The following OTOG variants were observed in gnomAD, a reference collection of about 807,000 sequenced individuals.
The protein encoded by OTOG is otogelin.
A neutral mutation model predicts 313.8 loss-of-function variants in OTOG; 296 were observed. That is an observed-to-expected ratio of 0.94 (90% CI 0.86 to 1.04). OTOG has a LOEUF of 1.04. Ranked by LOEUF, OTOG falls within the 50% of genes least tolerant of loss-of-function variation. OTOG has a pLI of 0.00. For synonymous variants in OTOG, 1,533 were observed against 1,554.9 expected (o/e 0.99, Z 0.33); for missense variants, 3,948 against 3,840.1 (o/e 1.03, Z -0.74).
In OTOG at chr11:17,631,882, G is replaced by A. The variant is rs142799217; in HGVS notation, c.6893G>A (p.Arg2298His). The stretch of plus-strand genomic sequence containing the variant: ...ACAACTGACTGCTCGCCCTGCCTTC[G>A]CATGGTGTCCAACCGCACCTTCAGT... ...CATTDCSPCL[R>H]MVSNRTFSAC... is the part of the protein sequence containing the mutation. Residue 2298 changes from arginine to histidine, a missense_variant, in exon 41 of 56, where the codon CGC becomes CAC. By Grantham distance (29) the Arg-to-His change is conservative. Coordinates refer to ENST00000399397, the MANE Select transcript of OTOG (RefSeq NM_001292063.2). 3.7e-4 allele frequency: 574 copies of A among 1,550,382 alleles called. 2 individuals are homozygous for A. In the African/African-American group the frequency reaches 6.8e-3, roughly 18 times the overall value.
intron 15 of OTOG, among the ~76,000 whole-genome samples, chr11:17,566,772 T>C (rs1212168515): frequency 1.3e-5 from 2 of 152,260 alleles, no homozygotes; most frequent in Non-Finnish European, 2.9e-5. Context: ...CTTTTGCCTT[T>C]AGTCTTATAA....
At chr11:17,631,360 C>T (rs2133702818) in intron 40 of OTOG, among the ~76,000 whole-genome samples, 1 of 136,206 alleles carries the variant, frequency 7.3e-6, no homozygotes, top group African/African-American at 3.2e-5. Context: ...CTCTCCTTCT[C>T]TCTCTCTCTC....
At chr11:17,596,186 G>T (rs1017313375) in intron 29 of OTOG, 32 bp downstream of exon 29, 1 of 1,462,768 alleles carries the variant, frequency 6.8e-7, no homozygotes. Flanking sequence ...CTCCTCCCGA[G>T]TGCCCCCTCC....
intron 31 of OTOG, among the ~76,000 whole-genome samples, chr11:17,600,122 A>G (rs16934477): frequency 0.082 from 12,514 of 152,324 alleles, 811 homozygotes; most frequent in African/African-American, 0.18. Context: ...GGAACAAAAC[A>G]TGTGGCCTGC....
chr11:17,596,566 G>A (rs1853114235), intron 29 of OTOG, among the ~76,000 whole-genome samples: 1 of 152,194 alleles, frequency 6.6e-6, no homozygotes, highest in African/African-American at 2.4e-5. Context: ...GCTGTCTCTG[G>A]CCCTGGCTAG....
intron 6 of OTOG, 38 bp downstream of exon 6, chr11:17,553,557 C>T (rs1565088487): frequency 2.1e-6 from 3 of 1,403,452 alleles, no homozygotes; most frequent in Non-Finnish European, 2.8e-6. Context: ...AGGAATGCTT[C>T]TCTAGGCCCT....
chr11:17,590,694 T>C (rs542937356), intron 24 of OTOG, among the ~76,000 whole-genome samples: 1 of 152,222 alleles, frequency 6.6e-6, no homozygotes, highest in Non-Finnish European at 1.5e-5. Context: ...TGGACCCATG[T>C]CACCTGACCG....
chr11:17,562,600 A>G (rs1403922751), intron 15 of OTOG, among the ~76,000 whole-genome samples: 1 of 152,240 alleles, frequency 6.6e-6, no homozygotes, highest in Non-Finnish European at 1.5e-5. Context: ...ATTTACTGAA[A>G]TAAGCTCAAA....
In OTOG at chr11:17,593,619, A is replaced by T; in HGVS notation, c.3151A>T (p.Ser1051Cys). 6.5e-7 allele frequency: 1 copy of T among 1,548,820 alleles called. No homozygotes were observed. The highest frequency in any genetic ancestry group is 8.7e-7 in the Non-Finnish European group (1 of 1,146,956). ...ATCTCTGTCCCTCTAGAGTCCAGAG[A>T]GCTTCCTGGATGACAAGCAGGAGGT... Reference protein sequence around the residue: ...DDDSGNPSPESFLDDKQEVHT... With the variant: ...DDDSGNPSPECFLDDKQEVHT... The change falls in exon 27 of 56, where the codon AGC becomes TGC. Residue 1051 changes from serine (S) to cysteine (C), a missense_variant. Coordinates refer to ENST00000399397, the MANE Select transcript of OTOG (RefSeq NM_001292063.2).
intron 24 of OTOG, among the ~76,000 whole-genome samples, chr11:17,588,149 A>T (rs1259383321): frequency 6.6e-6 from 1 of 152,204 alleles, no homozygotes; most frequent in Non-Finnish European, 1.5e-5. Context: ...CATAGGGTGG[A>T]TGTCCTCTCT....
intron 32 of OTOG, 150 bp downstream of exon 32, chr11:17,602,527 G>T: frequency 1.0e-6 from 1 of 977,460 alleles, no homozygotes; most frequent in East Asian, 2.6e-5. Flanking sequence ...GGTGCTTCTG[G>T]GTCAGCTTCT....
At chr11:17,635,379 T>C (rs2133710325) in intron 46 of OTOG, among the ~76,000 whole-genome samples, 192 bp downstream of exon 46, 1 of 152,240 alleles carries the variant, frequency 6.6e-6, no homozygotes, top group East Asian at 1.9e-4. Context: ...TCCCCCTAGA[T>C]TACTAAGCAC....
In OTOG at chr11:17,634,237, T is replaced by A; in HGVS notation, c.7436T>A (p.Leu2479Ter). ...TGCCTGCGATTCGGGGAGGTGGCCTTGCTCCTACCCACCAAGGACCCCTGC... is the reference window on the plus strand; with the variant it reads ...TGCCTGCGATTCGGGGAGGTGGCCTAGCTCCTACCCACCAAGGACCCCTGC... ...ESCLRFGEVA[L>*]LLPTKDPCCL... The change falls in exon 44 of 56, where the codon TTG becomes TAG. Residue 2479 changes from leucine (L) to a stop codon, truncating the protein, a stop_gained. Coordinates refer to ENST00000399397, the MANE Select transcript of OTOG (RefSeq NM_001292063.2). LOFTEE classifies it high-confidence loss of function. The A allele has an allele frequency of 6.4e-7, 1 of 1,550,514 alleles. No homozygotes were observed.
At chr11:17,570,448 G>C in intron 17 of OTOG, 58 bp downstream of exon 17, 7 of 1,502,940 alleles carry the variant, frequency 4.7e-6, no homozygotes, top group Admixed American at 4.0e-5. Flanking sequence ...TTAGGGCTGG[G>C]TATCTAGAGG....
chr11:17,640,436 CCT>C (rs1456431424), intron 49 of OTOG, among the ~76,000 whole-genome samples: 1 of 152,204 alleles, frequency 6.6e-6, no homozygotes, highest in Non-Finnish European at 1.5e-5. Context: ...GCACACATTT[CCT>C]CTCACTCTGT....
chr11:17,563,688 CTT>C (rs57937716), intron 15 of OTOG, among the ~76,000 whole-genome samples: 1 of 149,906 alleles, frequency 6.7e-6, no homozygotes, highest in Admixed American at 6.6e-5. Flanking sequence ...GAATCCCCCC[CTT>C]TTTTTTTGGA....
At chr11:17,613,195 T>TTTTCTTTCTTTCTTTCTTTG (rs1853616686) in intron 38 of OTOG, among the ~76,000 whole-genome samples, 3 of 65,328 alleles carry the variant, frequency 4.6e-5, no homozygotes, top group African/African-American at 2.3e-4. Context: ...TCTTTCTTTC[T>TTTTCTTTCTTTCTTTCTTTG]TTTCTTTCTT....
Position 17,610,132 on chromosome 11 carries a change from C to T in OTOG, c.4832C>T (p.Pro1611Leu). The part of the protein sequence containing the change: ...ITVSSRSPPA[P>L]RFPLMTKAVT... ...GTCTCCTCCCGGTCGCCCCCTGCCC[C>T]TCGCTTCCCGCTCATGACCAAGGCT... is the stretch of plus-strand genomic sequence containing the variant. The change falls in exon 36 of 56, where the codon CCT becomes CTT. Residue 1611 changes from proline (P) to leucine (L), a missense_variant. Physicochemically the swap from Pro to Leu is moderately conservative, Grantham distance 98. Coordinates refer to ENST00000399397, the MANE Select transcript of OTOG (RefSeq NM_001292063.2). 1.9e-6 allele frequency: 3 copies of T among 1,550,642 alleles called. No individual in the cohort carries two copies. Among genetic ancestry groups the T allele is most frequent in the Non-Finnish European group, 2.6e-6 (3 of 1,146,964 alleles).
At chr11:17,592,140 G>T (rs1341988049) in intron 25 of OTOG, among the ~76,000 whole-genome samples, 1 of 152,162 alleles carries the variant, frequency 6.6e-6, no homozygotes, top group Non-Finnish European at 1.5e-5. Context: ...AAGAAAACTG[G>T]TGATGTGGGG....
Sources: gnomAD v4.1 joint callset for allele counts (sites outside exome capture counted in the v4.1 genomes callset) on GRCh38, gnomAD v4.1.1 for gene constraint, MANE v1.5 for transcripts, NCBI Gene and HGNC (gene_info 2026-07-23, HGNC 2026-07-21) for gene names.